OSBPL10: variants seen among roughly 807,000 people sequenced by gnomAD.
OSBPL10 encodes the protein oxysterol-binding protein-related protein 10.
Under a neutral mutation model 81.7 loss-of-function variants are expected in OSBPL10, and 49 were observed. The ratio of observed to expected loss-of-function variants is 0.60; its 90% CI spans 0.48 to 0.76. OSBPL10 has a LOEUF of 0.76. Among genes scored for constraint, OSBPL10 ranks in the 30% least tolerant of loss-of-function variants. The pLI, the probability that OSBPL10 is intolerant of heterozygous loss-of-function variation, is 0.00. For missense variants in OSBPL10, 923 were observed against 987.8 expected (o/e 0.93, Z 0.88); for synonymous variants, 419 against 383.6 (o/e 1.09, Z -1.08).
At chr3:31,935,292 T>C (rs1175769358) in intron 1 of OSBPL10, among the ~76,000 whole-genome samples, 2 of 152,142 alleles carry the variant, frequency 1.3e-5, no homozygotes, top group Non-Finnish European at 2.9e-5. Context: ...CCATTTATCT[T>C]AGAAATTCAA....
chr3:31,810,460 T>A (rs889689563), intron 4 of OSBPL10, among the ~76,000 whole-genome samples: 5 of 151,360 alleles, frequency 3.3e-5, no homozygotes, highest in South Asian at 2.1e-4. Context: ...TCCAAATCTC[T>A]AAAGATTGAC....
chr3:31,780,838 C>A (rs1045217330), intron 4 of OSBPL10, among the ~76,000 whole-genome samples: 32 of 148,934 alleles, frequency 2.1e-4, no homozygotes, highest in African/African-American at 8.0e-4. Flanking sequence ...CCCACCCCCC[C>A]AAAAAACAGT....
At chr3:31,873,192 T>C (rs1426495273) in intron 3 of OSBPL10, among the ~76,000 whole-genome samples, 1 of 152,154 alleles carries the variant, frequency 6.6e-6, no homozygotes, top group South Asian at 2.1e-4. Flanking sequence ...AATTTTATTG[T>C]ATGCAAATTA....
In OSBPL10 at chr3:31,813,238, T is replaced by A. The variant is rs1051652588; in HGVS notation, c.729+16802A>T. Among the ~76,000 whole-genome samples the A allele has an allele frequency of 2.2e-4, 34 of 152,238 alleles. 1 individual carries two copies. Among genetic ancestry groups the A allele is most frequent in the Admixed American group, 1.3e-4 (2 of 15,290 alleles). On this transcript the variant is annotated intron_variant, in intron 4 of 11. Transcript: ENST00000396556. ...GTGACATCAAGTTCTGATTTAGGGATGACCAAAGCATCTTTGAGTTGACAA... is the reference window on the plus strand; with the variant it reads ...GTGACATCAAGTTCTGATTTAGGGAAGACCAAAGCATCTTTGAGTTGACAA...
intron 2 of OSBPL10, among the ~76,000 whole-genome samples, chr3:32,042,223 C>T (rs1699582550): frequency 6.6e-6 from 1 of 152,180 alleles, no homozygotes; most frequent in Non-Finnish European, 1.5e-5. Context: ...TGTGGGGTCA[C>T]CCCCACCTTT....
chr3:31,895,225 G>A (rs1336916063), intron 1 of OSBPL10, among the ~76,000 whole-genome samples: 3 of 145,524 alleles, frequency 2.1e-5, no homozygotes, highest in Admixed American at 7.0e-5. Flanking sequence ...GCTGTCTCCC[G>A]GGTTGACGCC....
intron 8 of OSBPL10, among the ~76,000 whole-genome samples, chr3:31,679,976 T>G (rs1222067306): frequency 1.3e-5 from 2 of 152,268 alleles, no homozygotes; most frequent in South Asian, 4.1e-4. Flanking sequence ...CCGGAGCTCT[T>G]AGTTCACACA....
intron 4 of OSBPL10, among the ~76,000 whole-genome samples, chr3:31,829,674 T>C (rs1396848379): frequency 6.6e-6 from 1 of 152,206 alleles, no homozygotes; most frequent in East Asian, 1.9e-4. Flanking sequence ...ATCTGCGTTA[T>C]GTCTAGCACT....
intron 4 of OSBPL10, among the ~76,000 whole-genome samples, chr3:31,779,325 A>G (rs1698626149): frequency 6.6e-6 from 1 of 152,212 alleles, no homozygotes; most frequent in Non-Finnish European, 1.5e-5. Flanking sequence ...AAAGAGACTC[A>G]CCTAATGCAT....
chr3:31,681,566 C>T (rs951101636), intron 8 of OSBPL10, among the ~76,000 whole-genome samples: 8 of 152,176 alleles, frequency 5.3e-5, no homozygotes, highest in African/African-American at 1.9e-4. Flanking sequence ...AATCCATGAT[C>T]CCTTCTCAGT....
intron 1 of OSBPL10, among the ~76,000 whole-genome samples, chr3:31,937,703 C>CA (rs11386326): frequency 0.095 from 14,507 of 151,952 alleles, 821 homozygotes; most frequent in East Asian, 0.19. Flanking sequence ...GACCACCCTT[C>CA]CCCCAACCTC....
At chr3:31,905,774 T>C (rs1696392445) in intron 1 of OSBPL10, among the ~76,000 whole-genome samples, 1 of 151,316 alleles carries the variant, frequency 6.6e-6, no homozygotes, top group Admixed American at 6.6e-5. Flanking sequence ...TGTCTTGAAA[T>C]ATCCATCATA....
chr3:32,067,175 A>G (rs774124745), intron 1 of OSBPL10, among the ~76,000 whole-genome samples: 10 of 152,306 alleles, frequency 6.6e-5, no homozygotes, highest in South Asian at 2.1e-4. Flanking sequence ...TGAATTGCCA[A>G]TTCAATGACT....
chr3:31,923,386 C>T (rs1265232745), intron 1 of OSBPL10, among the ~76,000 whole-genome samples: 2 of 152,160 alleles, frequency 1.3e-5, no homozygotes, highest in African/African-American at 4.8e-5. Flanking sequence ...AGTAAACAAA[C>T]ATGGTCATTA....
intron 1 of OSBPL10, among the ~76,000 whole-genome samples, chr3:31,971,139 C>CTTTTTTTTTTTTTTTTTT (rs56785817): frequency 1.6e-4 from 19 of 119,356 alleles, no homozygotes; most frequent in Non-Finnish European, 2.2e-4. Context: ...TTTCTTTTTT[C>CTTTTTTTTTTTTTTTTTT]TTTTTTTTTT....
chr3:32,057,470 C>T (rs1308879945), intron 1 of OSBPL10, among the ~76,000 whole-genome samples: 1 of 152,168 alleles, frequency 6.6e-6, no homozygotes, highest in Non-Finnish European at 1.5e-5. Context: ...TTAATTGACT[C>T]ACAGTTCAGC....
At chr3:31,876,369 A>G (rs1391243608) in intron 3 of OSBPL10, 64 bp downstream of exon 3, 3 of 1,403,422 alleles carry the variant, frequency 2.1e-6, no homozygotes, top group Non-Finnish European at 3.0e-6. Flanking sequence ...CGAAGAAACA[A>G]ATAATGGGGC....
intron 4 of OSBPL10, among the ~76,000 whole-genome samples, chr3:31,776,743 A>C (rs1303731049): frequency 1.3e-5 from 2 of 152,222 alleles, no homozygotes; most frequent in African/African-American, 4.8e-5. Context: ...AGAAGAGGCA[A>C]ATCCACAGAA....
chr3:31,844,154 G>GTAT (rs1259279782), intron 3 of OSBPL10, among the ~76,000 whole-genome samples: 2 of 152,220 alleles, frequency 1.3e-5, no homozygotes, highest in Non-Finnish European at 2.9e-5. Flanking sequence ...GGGGACCCAT[G>GTAT]TATTATCTTT....
Sources: gnomAD v4.1 joint callset for allele counts (sites outside exome capture counted in the v4.1 genomes callset) on GRCh38, gnomAD v4.1.1 for gene constraint, MANE v1.5 for transcripts, NCBI Gene and HGNC (gene_info 2026-07-23, HGNC 2026-07-21) for gene names.